Variants in CCDC50 observed in about 807,000 individuals in gnomAD.
The protein encoded by CCDC50 is coiled-coil domain-containing protein 50.
In CCDC50, 54 loss-of-function variants were observed where a neutral mutation model predicts 70.2. That is an observed-to-expected ratio of 0.77 (90% confidence interval 0.62 to 0.96). The LOEUF is 0.96. Among genes scored for constraint, CCDC50 ranks in the 50% least tolerant of loss-of-function variants. The pLI is 0.00. For synonymous variants in CCDC50, 216 were observed against 198.8 expected (o/e 1.09, Z -0.73); for missense variants, 558 against 578.7 (o/e 0.96, Z 0.37).
chr3:191,363,882 A>C (rs941914618), intron 4 of CCDC50, among the ~76,000 whole-genome samples: 7 of 152,202 alleles, frequency 4.6e-5, no homozygotes, highest in African/African-American at 1.7e-4. Flanking sequence ...TATGTTGTCA[A>C]TATTAAATGA....
chr3:191,350,047 ATTTGT>A (rs1219903358), intron 1 of CCDC50, among the ~76,000 whole-genome samples: 3 of 123,486 alleles, frequency 2.4e-5, no homozygotes, highest in African/African-American at 8.5e-5. Context: ...TTTCCAGTTC[ATTTGT>A]TTTATTTGTT....
At chr3:191,331,519 G>T (rs1445172012) in intron 1 of CCDC50, among the ~76,000 whole-genome samples, 1 of 152,090 alleles carries the variant, frequency 6.6e-6, no homozygotes, top group Non-Finnish European at 1.5e-5. Context: ...TCTCTTTTAT[G>T]TAATCTGGTA....
At chr3:191,356,318 A>G (rs1712279153) in intron 1 of CCDC50, among the ~76,000 whole-genome samples, 1 of 152,048 alleles carries the variant, frequency 6.6e-6, no homozygotes, top group Non-Finnish European at 1.5e-5. Flanking sequence ...CTTCAAGACC[A>G]TTTCTTCCCA....
At chr3:191,362,295 T>C (rs1401576004) in intron 4 of CCDC50, among the ~76,000 whole-genome samples, 1 of 147,134 alleles carries the variant, frequency 6.8e-6, no homozygotes, top group East Asian at 2.0e-4. Context: ...TATTTAAACA[T>C]TTTTTTTTTT....
At chr3:191,380,088 T>C (rs1713257645) in intron 6 of CCDC50, 71 bp from the exon 7 acceptor site, 5 of 956,388 alleles carry the variant, frequency 5.2e-6, no homozygotes. Context: ...CTCCTTTATC[T>C]TAAATTTCTT....
chr3:191,372,138 C>A (rs560045929), intron 5 of CCDC50, among the ~76,000 whole-genome samples: 1 of 152,216 alleles, frequency 6.6e-6, no homozygotes, highest in East Asian at 1.9e-4. Flanking sequence ...TTCTCTAGGG[C>A]AGGAGACTAT....
At chr3:191,356,007 A>C (rs550594118) in intron 1 of CCDC50, among the ~76,000 whole-genome samples, 1 of 152,234 alleles carries the variant, frequency 6.6e-6, no homozygotes, top group Non-Finnish European at 1.5e-5. Flanking sequence ...GTTTCAGTTA[A>C]GTGTCCTCAT....
At chr3:191,353,869 G>A (rs919786064) in intron 1 of CCDC50, among the ~76,000 whole-genome samples, 1 of 98,260 alleles carries the variant, frequency 1.0e-5, no homozygotes, top group Non-Finnish European at 2.6e-5. Context: ...AAATCTTCCA[G>A]ATCCCCTTCT....
At chr3:191,355,352 G>A (rs914348914) in intron 1 of CCDC50, among the ~76,000 whole-genome samples, 8 of 152,162 alleles carry the variant, frequency 5.3e-5, no homozygotes, top group Non-Finnish European at 1.2e-4. Context: ...TTAAGTCCGT[G>A]TATGTCTTAC....
At chr3:191,390,124 A>G (rs953143296) in intron 11 of CCDC50, among the ~76,000 whole-genome samples, 3 of 152,102 alleles carry the variant, frequency 2.0e-5, no homozygotes, top group African/African-American at 7.2e-5. Context: ...TGCTGGGATT[A>G]TAGGCATGAG....
At chr3:191,357,419 A>G (rs747780705) in intron 2 of CCDC50, among the ~76,000 whole-genome samples, 1 of 152,150 alleles carries the variant, frequency 6.6e-6, no homozygotes, top group African/African-American at 2.4e-5. Context: ...CTCTTGTTGT[A>G]GGAGGGACAC....
At chr3:191,369,149 CG>C (rs754101954) in intron 4 of CCDC50, among the ~76,000 whole-genome samples, 32 of 152,192 alleles carry the variant, frequency 2.1e-4, no homozygotes, top group Admixed American at 1.8e-3. Flanking sequence ...CTTTGCCTGT[CG>C]GAATTCAGTT....
At chr3:191,383,697 C>T (rs1162454212) in intron 10 of CCDC50, among the ~76,000 whole-genome samples, 4 of 152,128 alleles carry the variant, frequency 2.6e-5, no homozygotes, top group Non-Finnish European at 5.9e-5. Flanking sequence ...AAAAAGTAAT[C>T]CTCTATTTTA....
At position 191,393,889 on chromosome 3, in the gene CCDC50, TTTTA is replaced by T. The variant is rs1713776472; in HGVS notation, c.*2133_*2136del. 1 of 152,202 alleles carries T rather than the reference TTTTA, an allele frequency of 6.6e-6. No individual in the cohort carries two copies. Among genetic ancestry groups the T allele is most frequent in the Non-Finnish European group, 1.5e-5 (1 of 68,020 alleles). The allele number at this position is 152,202 out of a possible 1,614,324, so 9.4% of individuals were successfully genotyped here. ...ATTTTAAAGGAAAAAAACAATGTAT[TTTTA>T]TTTGATAACTAGGCAAAATCATTTG... On this transcript the variant is annotated 3_prime_UTR_variant, in exon 12 of 12. Transcript: ENST00000392455.
Position 191,394,460 on chromosome 3 carries a change from A to G in CCDC50, c.*2700A>G, listed in dbSNP as rs187352793. On this transcript the variant is annotated 3_prime_UTR_variant, in exon 12 of 12. Transcript: ENST00000392455. ...TTTTTACTTTGTCATTTTTATATAA[A>G]TGTGAAAGCATTTTGTTGTTGTTGT... The G allele has an allele frequency of 6.6e-6, 1 of 152,252 alleles. No homozygotes were observed. The highest frequency in any genetic ancestry group is 1.9e-4 in the East Asian group (1 of 5,190). The allele number at this position is 152,252 out of a possible 1,614,324, so 9.4% of individuals were successfully genotyped here.
At position 191,329,658 on chromosome 3, in the gene CCDC50, C is replaced by A. The variant is rs1457761781; in HGVS notation, c.-17C>A. On this transcript the variant is annotated 5_prime_UTR_variant, in exon 1 of 12. Coordinates refer to ENST00000392455, the MANE Select transcript of CCDC50 (RefSeq NM_178335.3). ...GGGAAGCCCGCGTTAAAGGGGCAAC[C>A]GGGACCCTGGCCCGGTATGGCTGAA... 1 of 1,606,206 alleles carries A rather than the reference C, an allele frequency of 6.2e-7. No individual in the cohort carries two copies. Among genetic ancestry groups the A allele is most frequent in the East Asian group, 2.2e-5 (1 of 44,488 alleles).
At chr3:191,380,514 A>G (rs917974605) in intron 7 of CCDC50, among the ~76,000 whole-genome samples, 173 bp from the exon 8 acceptor site, 12 of 152,064 alleles carry the variant, frequency 7.9e-5, no homozygotes, top group Non-Finnish European at 1.8e-4. Context: ...CTGCTGTAGG[A>G]TTTGATAAAA....
chr3:191,361,975 T>TA (rs60241156), intron 4 of CCDC50, among the ~76,000 whole-genome samples: 2 of 152,046 alleles, frequency 1.3e-5, no homozygotes, highest in Admixed American at 6.6e-5. Context: ...ATCTGTTGGT[T>TA]AAAAAAAACT....
intron 1 of CCDC50, among the ~76,000 whole-genome samples, chr3:191,350,769 T>C (rs1712081819): frequency 7.0e-6 from 1 of 142,102 alleles, no homozygotes; most frequent in East Asian, 1.9e-4. Flanking sequence ...GAGTTCTTGA[T>C]AGCAGGAGTG....
Sources: gnomAD v4.1 joint callset for allele counts (sites outside exome capture counted in the v4.1 genomes callset) on GRCh38, gnomAD v4.1.1 for gene constraint, MANE v1.5 for transcripts, NCBI Gene and HGNC (gene_info 2026-07-23, HGNC 2026-07-21) for gene names.